Variants in GMDS observed in about 807,000 individuals in gnomAD.
GMDS encodes GDP-mannose 4,6-dehydratase.
Under a neutral mutation model 49.9 loss-of-function variants are expected in GMDS, and 20 were observed. The observed-to-expected ratio is 0.40, with a 90% CI of 0.28 to 0.58. GMDS has a LOEUF of 0.58. GMDS is among the 20% of genes least tolerant of loss of function. The probability of loss-of-function intolerance (pLI) is 0.42; values close to 1 mark genes in which losing one functional copy is unlikely to be tolerated. For missense variants in GMDS, 362 were observed against 481.4 expected (o/e 0.75, Z 2.32); for synonymous variants, 177 against 178.6 (o/e 0.99, Z 0.07).
rs141032543 is a variant in GMDS at position 2,090,827 on chromosome 6, G to A, written c.345+24944C>T. Among the ~76,000 whole-genome samples the A allele has an allele frequency of 2.5e-3, 388 of 152,220 alleles. 1 individual carries two copies. Among genetic ancestry groups the A allele is most frequent in the African/African-American group, 9.0e-3 (372 of 41,542 alleles). The stretch of plus-strand genomic sequence containing the variant: ...AAGTTTCGAGTCTCATCACTTATTA[G>A]TTCAAACTATCAGCATAACAGAACT... On this transcript the variant is annotated intron_variant, in intron 4 of 10. Transcript: ENST00000380815.
intron 6 of GMDS, among the ~76,000 whole-genome samples, chr6:1,932,845 A>C (rs983640615): frequency 4.6e-5 from 7 of 152,152 alleles, no homozygotes; most frequent in African/African-American, 1.4e-4. Flanking sequence ...CTCAAAATGT[A>C]ATTTTAACTA....
intron 4 of GMDS, among the ~76,000 whole-genome samples, chr6:2,096,205 C>T (rs1047523634): frequency 2.6e-5 from 4 of 151,926 alleles, no homozygotes; most frequent in African/African-American, 9.7e-5. Context: ...AAGGGTAGAT[C>T]TTAATTTTAA....
At chr6:1,630,702 G>A (rs78846412) in intron 9 of GMDS, among the ~76,000 whole-genome samples, 7,802 of 152,268 alleles carry the variant, frequency 0.051, 276 homozygotes, top group Admixed American at 0.1. Flanking sequence ...AAGGTGCTGC[G>A]TCTGTCTGTA....
chr6:1,777,772 A>G (rs1768899437), intron 7 of GMDS, among the ~76,000 whole-genome samples: 3 of 152,278 alleles, frequency 2.0e-5, no homozygotes, highest in Admixed American at 2.0e-4. Context: ...GAGGGTATAA[A>G]GTACCTTCTC....
At chr6:1,657,705 C>A (rs995072692) in intron 9 of GMDS, among the ~76,000 whole-genome samples, 4 of 152,126 alleles carry the variant, frequency 2.6e-5, no homozygotes, top group African/African-American at 9.7e-5. Context: ...CAAAACGTTT[C>A]CATCAGAAAT....
At chr6:1,989,651 T>C (rs954295656) in intron 4 of GMDS, among the ~76,000 whole-genome samples, 13 of 152,020 alleles carry the variant, frequency 8.6e-5, no homozygotes, top group African/African-American at 3.1e-4. Context: ...CCTCCTAGGG[T>C]CCCCTGCCAC....
intron 7 of GMDS, among the ~76,000 whole-genome samples, chr6:1,755,627 CTGCAAGA>C (rs1355391592): frequency 6.6e-6 from 1 of 152,184 alleles, no homozygotes; most frequent in African/African-American, 2.4e-5. Flanking sequence ...TCGAACTATA[CTGCAAGA>C]CCACTGTACC....
chr6:1,892,600 C>A (rs1759924067), intron 7 of GMDS, among the ~76,000 whole-genome samples: 1 of 152,130 alleles, frequency 6.6e-6, no homozygotes, highest in Non-Finnish European at 1.5e-5. Flanking sequence ...CTCAGGTGAT[C>A]TACTTGCCTT....
chr6:1,841,048 G>A (rs1014916680), intron 7 of GMDS, among the ~76,000 whole-genome samples: 3 of 152,110 alleles, frequency 2.0e-5, no homozygotes, highest in African/African-American at 7.2e-5. Context: ...ACAGAATGTA[G>A]GTATCAGAGA....
intron 7 of GMDS, among the ~76,000 whole-genome samples, chr6:1,831,050 TA>T (rs1756612780): frequency 1.3e-5 from 2 of 152,258 alleles, no homozygotes. Flanking sequence ...ACAGGTTCAA[TA>T]TTCCCAAATC....
rs145498101 is a variant in GMDS, at chr6:2,175,800, T to C, written c.103-51069A>G. Reference sequence around the variant, plus strand: ...TTATTATTTTTATAGCTAACATTTATATAGCCCTTAAAACATGTTGTAAGC... The same window carrying C: ...TTATTATTTTTATAGCTAACATTTACATAGCCCTTAAAACATGTTGTAAGC... On this transcript the variant is annotated intron_variant, in intron 1 of 10. Transcript: ENST00000380815. 3,666 of 604,190 alleles carry C rather than the reference T, an allele frequency of 6.1e-3. 93 individuals are homozygous for C. Among genetic ancestry groups the C allele is most frequent in the African/African-American group, 0.061 (3,248 of 53,556 alleles). The allele number at this position is 604,190 out of a possible 1,614,324, so 37.4% of individuals were successfully genotyped here. A position where few individuals can be genotyped will look rare whatever the true frequency, so the allele number is the denominator to read the frequency against.
At chr6:1,746,842 T>C (rs1424105120) in intron 7 of GMDS, among the ~76,000 whole-genome samples, 1 of 151,902 alleles carries the variant, frequency 6.6e-6, no homozygotes, top group African/African-American at 2.4e-5. Context: ...GCTGGGATTA[T>C]AGTTGTGCGC....
intron 9 of GMDS, chr6:1,625,556 A>G (rs1310911648): frequency 6.6e-6 from 1 of 152,232 alleles, no homozygotes; most frequent in Admixed American, 6.5e-5. Context: ...AAGGCTGGCT[A>G]AAAGAAAACC....
At chr6:2,130,861 G>A (rs1387298236) in intron 1 of GMDS, among the ~76,000 whole-genome samples, 1 of 152,036 alleles carries the variant, frequency 6.6e-6, no homozygotes, top group African/African-American at 2.4e-5. Context: ...TTTAAAAAAT[G>A]GTACAGACGT....
intron 4 of GMDS, among the ~76,000 whole-genome samples, chr6:2,000,134 A>G (rs1447419020): frequency 7.6e-6 from 1 of 131,072 alleles, no homozygotes; most frequent in African/African-American, 2.9e-5. Context: ...TCCCAGGTTC[A>G]CGCCATTCTC....
At chr6:1,910,913 G>A (rs1325733695) in intron 7 of GMDS, among the ~76,000 whole-genome samples, 1 of 152,116 alleles carries the variant, frequency 6.6e-6, no homozygotes, top group African/African-American at 2.4e-5. Context: ...CTGGCATTGT[G>A]TTTTTAAGAA....
intron 7 of GMDS, among the ~76,000 whole-genome samples, chr6:1,893,180 G>T (rs1253816027): frequency 6.7e-6 from 1 of 149,704 alleles, no homozygotes; most frequent in African/African-American, 2.5e-5. Flanking sequence ...TCTCATCTCT[G>T]GTTTTTTGTT....
chr6:1,958,414 C>T (rs1763761394), intron 6 of GMDS, among the ~76,000 whole-genome samples: 1 of 151,894 alleles, frequency 6.6e-6, no homozygotes, highest in Non-Finnish European at 1.5e-5. Flanking sequence ...CTGTGGGCGC[C>T]CTCATACCAC....
rs115957496 is a variant in GMDS at position 2,225,441 on chromosome 6, C to A, written c.102+19880G>T. Reference sequence around the variant, plus strand: ...TGCAGTCTTGATCCCTGCAACAAAGCTGAACTAAAGATGAAGTGCAATACC... The same window carrying A: ...TGCAGTCTTGATCCCTGCAACAAAGATGAACTAAAGATGAAGTGCAATACC... On this transcript the variant is annotated intron_variant, in intron 1 of 10. Transcript: ENST00000380815. 5.5e-3 allele frequency among the ~76,000 whole-genome samples: 832 copies of A among 152,310 alleles called. 2 individuals carry two copies. Among genetic ancestry groups the A allele is most frequent in the Middle Eastern group, 0.017 (5 of 294 alleles).
Sources: allele counts gnomAD v4.1 joint callset (sites outside exome capture counted in the v4.1 genomes callset), GRCh38; gene constraint gnomAD v4.1.1; transcripts MANE v1.5; gene names NCBI Gene and HGNC (gene_info 2026-07-23, HGNC 2026-07-21).